FGF12: variants seen among roughly 807,000 people sequenced by gnomAD.
FGF12 encodes the protein fibroblast growth factor 12B.
Under a neutral mutation model 23.6 loss-of-function variants are expected in FGF12, and 14 were observed. The ratio of observed to expected loss-of-function variants is 0.59; its 90% confidence interval spans 0.39 to 0.93. FGF12 has a LOEUF of 0.93. Ranked by LOEUF, FGF12 falls within the 40% of genes least tolerant of loss-of-function variation. The pLI, the probability that FGF12 is intolerant of heterozygous loss-of-function variation, is 0.00. For synonymous variants in FGF12, 62 were observed against 77.3 expected (o/e 0.80, Z 1.04); for missense variants, 175 against 217.8 (o/e 0.80, Z 1.24).
intron 4 of FGF12, among the ~76,000 whole-genome samples, chr3:192,249,109 C>A (rs1200815622): frequency 2.6e-5 from 4 of 152,132 alleles, no homozygotes; most frequent in African/African-American, 9.7e-5. Flanking sequence ...TATGTAAATG[C>A]AGCCCACTGT....
intron 4 of FGF12, among the ~76,000 whole-genome samples, chr3:192,330,134 C>G (rs1717030941): frequency 6.6e-6 from 1 of 152,100 alleles, no homozygotes; most frequent in Non-Finnish European, 1.5e-5. Flanking sequence ...TAATATTCTT[C>G]AAATGTCCAT....
intron 2 of FGF12, among the ~76,000 whole-genome samples, chr3:192,579,788 T>C (rs919405037): frequency 1.3e-5 from 2 of 152,184 alleles, no homozygotes; most frequent in Admixed American, 1.3e-4. Flanking sequence ...CAGGCTGGTG[T>C]TGAACTCCTG....
At position 192,360,089 on chromosome 3, in the gene FGF12, G is replaced by T. The variant is rs112627459; in HGVS notation, c.124+339C>A. 2.7e-3 allele frequency among the ~76,000 whole-genome samples: 415 copies of T among 152,098 alleles called. 1 individual carries two copies. The highest frequency in any genetic ancestry group is 9.5e-3 in the African/African-American group (392 of 41,476). ...TAACTTGTTCATCACTTGGTTCCGG[G>T]ATTTAAATACCATCTTGTGTTGGAA... On this transcript the variant is annotated intron_variant, in intron 3 of 5. Coordinates refer to ENST00000445105, the MANE Select transcript of FGF12 (RefSeq NM_004113.6). This position sits in a 1 kb window ranked among gnomAD's most constrained non-coding sequence, Gnocchi z 4.3.
intron 5 of FGF12, 100 bp downstream of exon 5, chr3:192,170,358 T>C (rs1715484920): frequency 9.4e-6 from 8 of 852,886 alleles, no homozygotes; most frequent in South Asian, 4.7e-5. Context: ...TTCTGATCTG[T>C]TGCATTCCAG....
intron 2 of FGF12, among the ~76,000 whole-genome samples, chr3:192,370,503 A>C (rs1450581360): frequency 1.3e-5 from 2 of 152,144 alleles, no homozygotes; most frequent in Non-Finnish European, 2.9e-5. Flanking sequence ...TGATTGCATC[A>C]CTATACTCCA....
intron 2 of FGF12, among the ~76,000 whole-genome samples, chr3:192,550,562 T>C (rs1236851097): frequency 1.3e-5 from 2 of 151,858 alleles, no homozygotes; most frequent in Non-Finnish European, 2.9e-5. Flanking sequence ...GAATGTAGTA[T>C]GTCAAGTTTG....
chr3:192,364,081 A>G (rs924869389), intron 2 of FGF12, among the ~76,000 whole-genome samples: 1 of 152,220 alleles, frequency 6.6e-6, no homozygotes, highest in African/African-American at 2.4e-5. Context: ...TTAAAGAATG[A>G]GTAGGATTGC....
chr3:192,486,747 T>A (rs1411210290), intron 2 of FGF12, among the ~76,000 whole-genome samples: 3 of 151,852 alleles, frequency 2.0e-5, no homozygotes, highest in African/African-American at 7.3e-5. Context: ...ATGATATAAT[T>A]TATATTTTGA....
At chr3:192,234,100 G>T (rs1719158840) in intron 4 of FGF12, among the ~76,000 whole-genome samples, 1 of 152,062 alleles carries the variant, frequency 6.6e-6, no homozygotes, top group South Asian at 2.1e-4. Context: ...TGTGAAAAAT[G>T]ACATTGATTG....
rs138529481 is a variant in FGF12 at position 192,600,444 on chromosome 3, T to C, written c.13+126737A>G. ...GTGAAGAATATCATCGGTATTTTGA[T>C]AGAGATTTCACTGAATCTGTAGATT... On this transcript the variant is annotated intron_variant, in intron 2 of 5. Coordinates refer to ENST00000445105, the MANE Select transcript of FGF12 (RefSeq NM_004113.6). Among the ~76,000 whole-genome samples the C allele has an allele frequency of 1.8e-3, 271 of 152,240 alleles. 1 individual carries two copies. The highest frequency in any genetic ancestry group is 6.8e-3 in the Middle Eastern group (2 of 294).
intron 4 of FGF12, among the ~76,000 whole-genome samples, chr3:192,180,563 G>T (rs989702237): frequency 2.0e-4 from 30 of 152,278 alleles, no homozygotes; most frequent in Admixed American, 2.6e-4. Context: ...TAGGGATGTT[G>T]TCAAATGCAC....
intron 2 of FGF12, among the ~76,000 whole-genome samples, chr3:192,494,873 C>T (rs1190909839): frequency 1.3e-5 from 2 of 150,682 alleles, no homozygotes; most frequent in Non-Finnish European, 2.9e-5. Context: ...ATACATTTTT[C>T]TTTTTGAGAT....
intron 4 of FGF12, among the ~76,000 whole-genome samples, chr3:192,286,756 A>C (rs1222514488): frequency 1.3e-5 from 2 of 151,986 alleles, no homozygotes; most frequent in Non-Finnish European, 2.9e-5. Context: ...TTGTTTAATT[A>C]TCTTCATTTT....
chr3:192,636,536 A>G lies in FGF12; in HGVS notation c.13+90645T>C, dbSNP rs146836814. Among the ~76,000 whole-genome samples the G allele has an allele frequency of 3.3e-3, 499 of 152,366 alleles. 4 individuals carry two copies. The South Asian group carries it at 0.035, about 11-fold the overall frequency. The stretch of plus-strand genomic sequence containing the variant: ...AATCTCTTCCAAGGTGTCATGCTAC[A>G]TCTTTACTTCTTTTCTCCTTCATGA... On this transcript the variant is annotated intron_variant, in intron 2 of 5. Coordinates refer to ENST00000445105, the MANE Select transcript of FGF12 (RefSeq NM_004113.6).
chr3:192,198,775 G>A (rs934767642), intron 4 of FGF12, among the ~76,000 whole-genome samples: 3 of 152,178 alleles, frequency 2.0e-5, no homozygotes, highest in Admixed American at 2.0e-4. Context: ...TTATTACAGT[G>A]AAGAGGTAAA....
At chr3:192,348,435 C>A (rs1718062794) in intron 3 of FGF12, among the ~76,000 whole-genome samples, 1 of 152,044 alleles carries the variant, frequency 6.6e-6, no homozygotes, top group South Asian at 2.1e-4. Flanking sequence ...TATTTAAAAT[C>A]TTTAAAATTA....
At chr3:192,267,468 T>C (rs1294098916) in intron 4 of FGF12, among the ~76,000 whole-genome samples, 1 of 152,220 alleles carries the variant, frequency 6.6e-6, no homozygotes, top group Non-Finnish European at 1.5e-5. Context: ...TATCTTCTCT[T>C]TTTAATGAGA....
chr3:192,181,752 T>G lies in FGF12; in HGVS notation c.229-11096A>C, dbSNP rs1344723192. 2.7e-5 allele frequency among the ~76,000 whole-genome samples: 4 copies of G among 149,502 alleles called. No individual in the cohort carries two copies. In the East Asian group the frequency reaches 8.3e-4, roughly 31 times the overall value. On this transcript the variant is annotated intron_variant, in intron 4 of 5. Coordinates refer to ENST00000445105, the MANE Select transcript of FGF12 (RefSeq NM_004113.6). ...CTCAAGCAATTCTCCTGCCTCAGCC[T>G]CCCAAGTAGCTGGGACTACAGGCAT...
At chr3:192,293,395 T>C (rs1714866807) in intron 4 of FGF12, among the ~76,000 whole-genome samples, 1 of 152,214 alleles carries the variant, frequency 6.6e-6, no homozygotes. Flanking sequence ...AGTGCTAAAT[T>C]TGAACCTCAT....
Sources: allele counts gnomAD v4.1 joint callset (sites outside exome capture counted in the v4.1 genomes callset), GRCh38; gene constraint gnomAD v4.1.1; non-coding constraint Gnocchi (gnomAD v3.1); transcripts MANE v1.5; gene names NCBI Gene and HGNC (gene_info 2026-07-23, HGNC 2026-07-21).